Variants in PPP2R2D observed in about 807,000 individuals in gnomAD.
PPP2R2D encodes protein phosphatase 2 regulatory subunit Bdelta, also known as serine/threonine-protein phosphatase 2A 55 kDa regulatory subunit B delta isoform.
Under a neutral mutation model 31.1 loss-of-function variants are expected in PPP2R2D, and 9 were observed. The ratio of observed to expected loss-of-function variants is 0.29; its 90% CI spans 0.17 to 0.51. The LOEUF is 0.51. Among genes scored for constraint, PPP2R2D ranks in the 20% least tolerant of loss-of-function variants. The probability of loss-of-function intolerance (pLI) is 0.98; values close to 1 mark genes in which losing one functional copy is unlikely to be tolerated. For missense variants in PPP2R2D, 391 were observed against 465.6 expected (o/e 0.84, Z 1.48); for synonymous variants, 179 against 172.6 (o/e 1.04, Z -0.29).
At chr10:131,950,997 C>G (rs553735804) in intron 8 of PPP2R2D, among the ~76,000 whole-genome samples, 21 of 152,240 alleles carry the variant, frequency 1.4e-4, no homozygotes, top group African/African-American at 4.8e-4. Flanking sequence ...GATTAAGTAT[C>G]CAGAATAGGT....
intron 5 of PPP2R2D, among the ~76,000 whole-genome samples, chr10:131,942,525 A>G (rs576550198): frequency 2.6e-5 from 4 of 152,182 alleles, no homozygotes; most frequent in African/African-American, 7.2e-5. Flanking sequence ...CTGTTTTTAA[A>G]TTTTTGCTCT....
At chr10:131,930,498 C>T (rs782100784) in intron 2 of PPP2R2D, among the ~76,000 whole-genome samples, 2 of 152,202 alleles carry the variant, frequency 1.3e-5, no homozygotes, top group East Asian at 1.9e-4. Flanking sequence ...TTTGCATATT[C>T]GAAAACATTT....
the PPP2R2D span, chr10:131,968,237 T>G: frequency 3.4e-5 from 8 of 233,348 alleles, no homozygotes; most frequent in African/African-American, 1.8e-4. Flanking sequence ...TATATTAAAA[T>G]TATTTATATT....
At chr10:131,971,187 G>T in the PPP2R2D span, 7 of 566,440 alleles carry the variant, frequency 1.2e-5, no homozygotes, top group Admixed American at 1.8e-4. Flanking sequence ...CGCCTCCAGG[G>T]ACAGATCACC....
chr10:131,970,628 C>T, the PPP2R2D span: 1 of 1,613,234 alleles, frequency 6.2e-7, no homozygotes, highest in East Asian at 2.2e-5. The surrounding 1 kb of genome is among the most constrained non-coding windows in gnomAD (Gnocchi z 4.1). Context: ...CACACAGTCA[C>T]ATCACCTACC....
chr10:131,953,686 TAGC>T lies in PPP2R2D; in HGVS notation c.1083-1995_1083-1993del, dbSNP rs573258357. Among the ~76,000 whole-genome samples, 259 of 111,088 alleles carry T rather than the reference TAGC, an allele frequency of 2.3e-3. 5 individuals carry two copies. Among genetic ancestry groups the T allele is most frequent in the African/African-American group, 7.9e-3 (221 of 28,102 alleles). 72.9% of individuals were successfully genotyped at this position (111,088 alleles called of 152,430 possible). A position where few individuals can be genotyped will look rare whatever the true frequency, so the allele number is the denominator to read the frequency against. ...CAAGTGTGCGGGGGGTTCACTGTCT[TAGC>T]AGTGACTTGCGGGTGTGTGGGGGGG... is the stretch of plus-strand genomic sequence containing the variant. On this transcript the variant is annotated intron_variant, in intron 8 of 8. Transcript: ENST00000455566.
In PPP2R2D at chr10:131,940,158, C is replaced by T; in HGVS notation, c.326C>T (p.Pro109Leu). 1.3e-6 allele frequency: 1 copy of T among 772,300 alleles called. No homozygotes were observed. Among genetic ancestry groups the T allele is most frequent in the Non-Finnish European group, 2.4e-6 (1 of 414,670 alleles). The allele number at this position is 772,300 out of a possible 1,614,324, so 47.8% of individuals were successfully genotyped here. The change falls in exon 4 of 9, where the codon CCA becomes CTA. Residue 109 changes from proline to leucine, a missense_variant. By Grantham distance (98) the Pro-to-Leu change is moderately conservative (BLOSUM62 -3). Transcript: ENST00000455566. ...EEKINKIRWL[P>L]QQNAAHFLLS... ...AAAATTAATAAAATTAGGTGGTTAC[C>T]ACAACAGAATGCTGCTCATTTTCTA...
rs11146336 is a variant in PPP2R2D, at chr10:131,956,064, G to A, written c.*101G>A. Reference sequence around the variant, plus strand: ...TGTCCGCTCCATTAAGAACAGTGACGCACCTGCTACTTCCCTTCACAGACA... The same window carrying A: ...TGTCCGCTCCATTAAGAACAGTGACACACCTGCTACTTCCCTTCACAGACA... On this transcript the variant is annotated 3_prime_UTR_variant, in exon 9 of 9. Coordinates refer to ENST00000455566, the MANE Select transcript of PPP2R2D (RefSeq NM_018461.5). The A allele has an allele frequency of 0.097, 124,823 of 1,290,492 alleles. 7,902 individuals carry two copies. Among genetic ancestry groups the A allele is most frequent in the East Asian group, 0.38 (12,608 of 32,762 alleles). 79.9% of individuals were successfully genotyped at this position (1,290,492 alleles called of 1,614,324 possible). A position where few individuals can be genotyped will look rare whatever the true frequency, so the allele number is the denominator to read the frequency against.
At chr10:131,926,272 T>C (rs1041852080) in intron 2 of PPP2R2D, among the ~76,000 whole-genome samples, 6 of 152,246 alleles carry the variant, frequency 3.9e-5, no homozygotes, top group Non-Finnish European at 8.8e-5. Context: ...TATTAGTTTA[T>C]GTCTGGTTTT....
At chr10:131,960,071 C>T (rs1554901208), downstream of PPP2R2D, among the ~76,000 whole-genome samples, 1 of 152,236 alleles carries the variant, frequency 6.6e-6, no homozygotes, top group East Asian at 1.9e-4. Context: ...GGGGAAGCCA[C>T]CTGGCCAGCA....
Position 131,958,530 on chromosome 10 carries a change from T to C in PPP2R2D, c.*2567T>C. Reference sequence around the variant, plus strand: ...CCCCTGTGGAGATGAAGGTGTGTGCTGATCCCCCATCCCCCTGTGGAGATG... The same window carrying C: ...CCCCTGTGGAGATGAAGGTGTGTGCCGATCCCCCATCCCCCTGTGGAGATG... On this transcript the variant is annotated 3_prime_UTR_variant, in exon 9 of 9. Coordinates refer to ENST00000455566, the MANE Select transcript of PPP2R2D (RefSeq NM_018461.5). 4.8e-6 allele frequency: 1 copy of C among 208,302 alleles called. No homozygotes were observed. Among genetic ancestry groups the C allele is most frequent in the South Asian group, 6.0e-5 (1 of 16,758 alleles). The allele number at this position is 208,302 out of a possible 1,614,324, so 12.9% of individuals were successfully genotyped here. A position where few individuals can be genotyped will look rare whatever the true frequency, so the allele number is the denominator to read the frequency against.
rs1429104787 is a variant in PPP2R2D, at chr10:131,944,040, TATC to T, written c.553_555del (p.His185del). ...GCGAATTTTTGCAAATGCTCACACATATCATATAAATTCCATTTCAGTAAATAG... is the reference window on the plus strand; with the variant it reads ...GCGAATTTTTGCAAATGCTCACACATATATAAATTCCATTTCAGTAAATAG... On this transcript the variant is annotated inframe_deletion, in exon 6 of 9. Transcript: ENST00000455566. 6.3e-7 allele frequency: 1 copy of T among 1,575,914 alleles called. No homozygotes were observed. Among genetic ancestry groups the T allele is most frequent in the African/African-American group, 1.3e-5 (1 of 74,278 alleles).
At chr10:131,903,418 G>A (rs1411849406) in intron 2 of PPP2R2D, among the ~76,000 whole-genome samples, 2 of 135,120 alleles carry the variant, frequency 1.5e-5, no homozygotes, top group Non-Finnish European at 3.0e-5. Flanking sequence ...AGTGAGTGGA[G>A]ATCGTGCCAT....
downstream of PPP2R2D, among the ~76,000 whole-genome samples, chr10:131,962,147 C>G (rs2036928471): frequency 6.6e-6 from 1 of 152,216 alleles, no homozygotes; most frequent in East Asian, 1.9e-4. Flanking sequence ...AAACTGGTGT[C>G]TTAAAATACA....
intron 8 of PPP2R2D, among the ~76,000 whole-genome samples, chr10:131,953,081 AGGTTCACTGTCTTAGCAGTGACTTGCGGG>A (rs2036710819): frequency 3.9e-5 from 3 of 77,030 alleles, no homozygotes; most frequent in African/African-American, 5.3e-5. Flanking sequence ...TGTGTGTGGG[AGGTTCACTGTCTTAGCAGTGACTTGCGGG>A]GGTTCCCTGT....
At chr10:131,922,789 AAAAAG>A (rs1346419456) in intron 2 of PPP2R2D, among the ~76,000 whole-genome samples, 19 of 152,320 alleles carry the variant, frequency 1.2e-4, no homozygotes, top group African/African-American at 4.6e-4. Context: ...GAAAGTAGCC[AAAAAG>A]AAAACAAAGT....
rs1284807879 is a variant in PPP2R2D, at chr10:131,940,656, G to T, written c.439G>T (p.Gly147Ter). The T allele has an allele frequency of 1.3e-6, 1 of 778,606 alleles. No individual in the cohort carries two copies. The highest frequency in any genetic ancestry group is 2.4e-6 in the Non-Finnish European group (1 of 417,014). 48.2% of individuals were successfully genotyped at this position (778,606 alleles called of 1,614,324 possible). Residue 147 changes from glycine (G) to a stop codon, truncating the protein, a stop_gained, in exon 5 of 9, where the codon GGA becomes TGA. Coordinates refer to ENST00000455566, the MANE Select transcript of PPP2R2D (RefSeq NM_018461.5). LOFTEE classifies it high-confidence loss of function. ...AEGYNLKDED[G>*]RLRDPFRITA... The stretch of plus-strand genomic sequence containing the variant: ...AGGTTATAACCTGAAAGACGAAGAT[G>T]GAAGACTTCGAGACCCATTTAGGAT...
chr10:131,921,187 C>A lies in PPP2R2D; in HGVS notation c.101-13271C>A, dbSNP rs190850112. On this transcript the variant is annotated intron_variant, in intron 2 of 8. Coordinates refer to ENST00000455566, the MANE Select transcript of PPP2R2D (RefSeq NM_018461.5). ...ACTGCCTTCTTGCTAGTTTGACTGA[C>A]TCTGAAATACTTAAAGATAGTTGTA... 6.6e-5 allele frequency among the ~76,000 whole-genome samples: 10 copies of A among 152,290 alleles called. No individual in the cohort carries two copies. In the East Asian group the frequency reaches 1.9e-3, roughly 29 times the overall value.
At position 131,901,306 on chromosome 10, in the gene PPP2R2D, G is replaced by T. The variant is rs1226640283; in HGVS notation, c.76G>T (p.Ala26Ser). ...FQWCFSQVKG[A>S]IDEDVAEADI... ...GTGGTGCTTCTCGCAGGTCAAGGGGGCCATCGACGAGGACGTGGCCGAAGG... is the reference window on the plus strand; with the variant it reads ...GTGGTGCTTCTCGCAGGTCAAGGGGTCCATCGACGAGGACGTGGCCGAAGG... The change falls in exon 2 of 9, where the codon GCC becomes TCC. Residue 26 changes from alanine (A) to serine (S), a missense_variant. Physicochemically the swap from Ala to Ser is moderately conservative, Grantham distance 99. Around this residue, in one of 3 missense-constraint regions of PPP2R2D, gnomAD observed 105 missense variants for 98.5 expected, o/e 1.07. Coordinates refer to ENST00000455566, the MANE Select transcript of PPP2R2D (RefSeq NM_018461.5). The T allele has an allele frequency of 1.4e-5, 5 of 360,172 alleles. No homozygotes were observed. The highest frequency in any genetic ancestry group is 4.7e-5 in the Admixed American group (1 of 21,292). 22.3% of individuals were successfully genotyped at this position (360,172 alleles called of 1,614,324 possible).
Sources: gnomAD v4.1 joint callset for allele counts (sites outside exome capture counted in the v4.1 genomes callset) on GRCh38, gnomAD v4.1.1 for gene constraint, gnomAD v4.1.1 regional missense constraint, Gnocchi (gnomAD v3.1) non-coding constraint, MANE v1.5 for transcripts, NCBI Gene and HGNC (gene_info 2026-07-23, HGNC 2026-07-21) for gene names.